Variants in CLPB observed in about 807,000 individuals in gnomAD.
CLPB encodes mitochondrial disaggregase.
In CLPB, 40 loss-of-function variants were observed where a neutral mutation model predicts 78.4. The observed-to-expected ratio is 0.51, with a 90% CI of 0.40 to 0.66. CLPB has a LOEUF of 0.66. CLPB is among the 30% of genes least tolerant of loss of function. CLPB has a pLI of 0.00. For synonymous variants in CLPB, 333 were observed against 348.0 expected (o/e 0.96, Z 0.48); for missense variants, 780 against 886.9 (o/e 0.88, Z 1.53).
In CLPB at chr11:72,434,137, A is replaced by T; in HGVS notation, c.338T>A (p.Leu113Gln). The change falls in exon 1 of 16, where the codon CTG becomes CAG. Residue 113 changes from leucine to glutamine, a missense_variant. By Grantham distance (113) the Leu-to-Gln change is moderately radical. This residue lies in a region of CLPB where 417 missense variants were observed against 414.7 expected (regional missense o/e 1.01). Coordinates refer to ENST00000538039, the MANE Select transcript of CLPB (RefSeq NM_001258392.3). Reference protein sequence around the residue: ...SWNGVPSRAGLGMCALAAALV... With the variant: ...SWNGVPSRAGQGMCALAAALV... The stretch of plus-strand genomic sequence containing the variant: ...CGCTGCGGCCAGGGCGCACATGCCC[A>T]GTCCGGCCCTGCTGGGGACCCCGTT... 2 of 1,612,536 alleles carry T rather than the reference A, an allele frequency of 1.2e-6. No individual in the cohort carries two copies. The highest frequency in any genetic ancestry group is 8.5e-7 in the Non-Finnish European group (1 of 1,180,022).
intron 3 of CLPB, among the ~76,000 whole-genome samples, chr11:72,387,890 T>C (rs543239352): frequency 2.0e-5 from 3 of 152,302 alleles, no homozygotes; most frequent in African/African-American, 7.2e-5. Context: ...ATTTGGTTAA[T>C]CCTCAGCTGC....
chr11:72,374,044 CA>C (rs1310066475), intron 4 of CLPB, among the ~76,000 whole-genome samples: 2 of 150,870 alleles, frequency 1.3e-5, no homozygotes, highest in African/African-American at 4.9e-5. Context: ...ACATGGCTGA[CA>C]GGGGCACCGG....
At chr11:72,376,669 G>C (rs1854711812) in intron 4 of CLPB, among the ~76,000 whole-genome samples, 1 of 150,236 alleles carries the variant, frequency 6.7e-6, no homozygotes, top group African/African-American at 2.4e-5. Flanking sequence ...TTTAACAGTT[G>C]TTTGTTTTTG....
At chr11:72,425,530 C>T (rs1856348773) in intron 2 of CLPB, among the ~76,000 whole-genome samples, 1 of 152,212 alleles carries the variant, frequency 6.6e-6, no homozygotes, top group Non-Finnish European at 1.5e-5. Context: ...ACACGAGCTC[C>T]TCTAGGGCAG....
chr11:72,354,391 T>C (rs1176312363), intron 5 of CLPB: 2 of 398,256 alleles, frequency 5.0e-6, no homozygotes, highest in Non-Finnish European at 4.4e-6. Context: ...TGGAGGAACC[T>C]TGGTCAAGAA....
intron 5 of CLPB, among the ~76,000 whole-genome samples, chr11:72,343,755 G>T (rs1950461791): frequency 6.6e-6 from 1 of 152,130 alleles, no homozygotes; most frequent in South Asian, 2.1e-4. Context: ...GTTTGTCCCA[G>T]AATTGAGGAT....
At chr11:72,313,010 A>G (rs1456574061) in intron 7 of CLPB, among the ~76,000 whole-genome samples, 1 of 152,140 alleles carries the variant, frequency 6.6e-6, no homozygotes, top group Admixed American at 6.5e-5. Flanking sequence ...AAAAGGCAAG[A>G]GCGGCCTCCT....
chr11:72,381,829 G>T (rs767562156), intron 3 of CLPB, among the ~76,000 whole-genome samples: 56 of 152,262 alleles, frequency 3.7e-4, no homozygotes, highest in South Asian at 1.4e-3. Context: ...TGTGGACACA[G>T]GCTCTAGGCC....
intron 4 of CLPB, among the ~76,000 whole-genome samples, chr11:72,362,992 C>T: frequency 6.6e-6 from 1 of 151,952 alleles, no homozygotes; most frequent in East Asian, 1.9e-4. Flanking sequence ...ACCAACTCTA[C>T]AAAAAATACA....
intron 3 of CLPB, among the ~76,000 whole-genome samples, chr11:72,392,758 G>A (rs1855290466): frequency 6.6e-6 from 1 of 152,126 alleles, no homozygotes; most frequent in Non-Finnish European, 1.5e-5. Flanking sequence ...AAGATAATAT[G>A]AGTTACCCAA....
At chr11:72,337,859 A>G (rs1002184669) in intron 5 of CLPB, among the ~76,000 whole-genome samples, 1 of 152,162 alleles carries the variant, frequency 6.6e-6, no homozygotes, top group African/African-American at 2.4e-5. Context: ...CTTTGTAGAA[A>G]GGGGACAAGA....
chr11:72,421,958 C>T (rs2135141835), intron 2 of CLPB, among the ~76,000 whole-genome samples: 1 of 152,284 alleles, frequency 6.6e-6, no homozygotes, highest in South Asian at 2.1e-4. Flanking sequence ...TCCAGAAGGA[C>T]TCAGCTTTCT....
At position 72,312,486 on chromosome 11, in the gene CLPB, G is replaced by A. The variant is rs1196552012; in HGVS notation, c.989-3882C>T. Reference sequence around the variant, plus strand: ...CTGACCATATTCCATGGGAGCAGGTGCTGGGTGTCCTGGGTGCCCTATTTT... The same window carrying A: ...CTGACCATATTCCATGGGAGCAGGTACTGGGTGTCCTGGGTGCCCTATTTT... On this transcript the variant is annotated intron_variant, in intron 7 of 15. Coordinates refer to ENST00000538039, the MANE Select transcript of CLPB (RefSeq NM_001258392.3). This position sits in a 1 kb window ranked among gnomAD's most constrained non-coding sequence, Gnocchi z 4.2. Among the ~76,000 whole-genome samples the A allele has an allele frequency of 4.6e-5, 7 of 152,208 alleles. No individual in the cohort carries two copies. Among genetic ancestry groups the A allele is most frequent in the Admixed American group, 4.6e-4 (7 of 15,284 alleles).
intron 3 of CLPB, among the ~76,000 whole-genome samples, chr11:72,399,678 G>T (rs1855506848): frequency 6.6e-6 from 1 of 152,190 alleles, no homozygotes; most frequent in African/African-American, 2.4e-5. Context: ...CTACTCCGAG[G>T]ATCTCTCTCT....
At chr11:72,325,360 C>T (rs117531571) in intron 6 of CLPB, among the ~76,000 whole-genome samples, 113 of 152,276 alleles carry the variant, frequency 7.4e-4, no homozygotes, top group Non-Finnish European at 1.2e-3. Context: ...ACTCTGCGAA[C>T]CCTCCTAAGA....
At chr11:72,337,564 A>G (rs1369808643) in intron 5 of CLPB, among the ~76,000 whole-genome samples, 2 of 152,210 alleles carry the variant, frequency 1.3e-5, no homozygotes, top group African/African-American at 4.8e-5. Flanking sequence ...AGAAAACTAA[A>G]ATAATTTACC....
intron 6 of CLPB, among the ~76,000 whole-genome samples, chr11:72,326,957 T>G (rs767676108): frequency 6.6e-6 from 1 of 152,172 alleles, no homozygotes; most frequent in Admixed American, 6.5e-5. Flanking sequence ...GTGCTTCACA[T>G]AGGTAGAATC....
Position 72,285,715 on chromosome 11 carries a change from T to C in CLPB, c.*7652A>G, listed in dbSNP as rs1590744262. Reference sequence around the variant, plus strand: ...TTACTAAAAAGTATTTAAAATAACATAGCAGTGTTCCCCTTCCATTGCTGT... The same window carrying C: ...TTACTAAAAAGTATTTAAAATAACACAGCAGTGTTCCCCTTCCATTGCTGT... On this transcript the variant is annotated 3_prime_UTR_variant, in exon 16 of 16. Transcript: ENST00000538039. 1 of 152,204 alleles carries C rather than the reference T, an allele frequency of 6.6e-6. No homozygotes were observed. Among genetic ancestry groups the C allele is most frequent in the East Asian group, 1.9e-4 (1 of 5,202 alleles). The allele number at this position is 152,204 out of a possible 1,614,324, so 9.4% of individuals were successfully genotyped here. A position where few individuals can be genotyped will look rare whatever the true frequency, so the allele number is the denominator to read the frequency against.
intron 5 of CLPB, among the ~76,000 whole-genome samples, chr11:72,345,691 A>G (rs1012675005): frequency 6.6e-6 from 1 of 152,204 alleles, no homozygotes; most frequent in African/African-American, 2.4e-5. Context: ...ATCAATCAGG[A>G]TACGTAGGGG....
Sources: allele counts gnomAD v4.1 joint callset (sites outside exome capture counted in the v4.1 genomes callset), GRCh38; gene constraint gnomAD v4.1.1; regional missense constraint gnomAD v4.1.1; non-coding constraint Gnocchi (gnomAD v3.1); transcripts MANE v1.5; gene names NCBI Gene and HGNC (gene_info 2026-07-23, HGNC 2026-07-21).